SLIT2: variants seen among roughly 807,000 people sequenced by gnomAD.
The protein encoded by SLIT2 is slit homolog 2 protein.
In SLIT2, 41 loss-of-function variants were observed where a neutral mutation model predicts 185.7. The observed-to-expected ratio is 0.22, with a 90% CI of 0.17 to 0.29. SLIT2 has a LOEUF of 0.29. Ranked by LOEUF, SLIT2 falls within the 10% of genes least tolerant of loss-of-function variation. The pLI is 1.00. For synonymous variants in SLIT2, 693 were observed against 680.2 expected (o/e 1.02, Z -0.29); for missense variants, 1,571 against 1,909.0 (o/e 0.82, Z 3.30).
intron 26 of SLIT2, among the ~76,000 whole-genome samples, chr4:20,560,135 G>C (rs1163008829): frequency 1.3e-5 from 2 of 151,866 alleles, no homozygotes; most frequent in African/African-American, 4.8e-5. Context: ...AGTTATGCCA[G>C]TCTAATGTAT....
chr4:20,456,058 A>C (rs957649455), intron 4 of SLIT2, among the ~76,000 whole-genome samples: 1 of 152,156 alleles, frequency 6.6e-6, no homozygotes, highest in African/African-American at 2.4e-5. Flanking sequence ...ATACATCGAC[A>C]TGAAAAACCT....
chr4:20,323,154 A>G (rs1719252731), intron 4 of SLIT2, among the ~76,000 whole-genome samples: 1 of 151,958 alleles, frequency 6.6e-6, no homozygotes, highest in Non-Finnish European at 1.5e-5. Context: ...CTATCTAGGC[A>G]AAGATAGTAA....
intron 4 of SLIT2, among the ~76,000 whole-genome samples, chr4:20,320,922 G>T (rs1263277115): frequency 6.6e-6 from 1 of 152,136 alleles, no homozygotes; most frequent in East Asian, 1.9e-4. Flanking sequence ...CCAGCACTTT[G>T]GGAGGTTGAG....
chr4:20,562,870 G>A (rs1264437217), intron 26 of SLIT2, among the ~76,000 whole-genome samples: 1 of 151,698 alleles, frequency 6.6e-6, no homozygotes, highest in Non-Finnish European at 1.5e-5. Flanking sequence ...CAGTGCTAGA[G>A]GATTTTGTTA....
intron 26 of SLIT2, among the ~76,000 whole-genome samples, chr4:20,558,892 G>A (rs958585155): frequency 2.0e-5 from 3 of 151,926 alleles, no homozygotes; most frequent in African/African-American, 7.3e-5. Context: ...ATGCAATTGA[G>A]AAAAATAATT....
intron 34 of SLIT2, among the ~76,000 whole-genome samples, chr4:20,611,378 T>C (rs1169827768): frequency 6.6e-6 from 1 of 152,228 alleles, no homozygotes. Flanking sequence ...TCTGTAAATA[T>C]TTATTGAGTA....
intron 4 of SLIT2, among the ~76,000 whole-genome samples, chr4:20,341,474 T>C (rs1480460334): frequency 6.6e-6 from 1 of 152,204 alleles, no homozygotes; most frequent in African/African-American, 2.4e-5. Context: ...TGTTTTCAAA[T>C]AGAGTGAAAG....
intron 5 of SLIT2, among the ~76,000 whole-genome samples, chr4:20,475,661 A>T (rs917776534): frequency 1.4e-5 from 2 of 142,464 alleles, no homozygotes; most frequent in African/African-American, 2.5e-5. Flanking sequence ...TAATAAGATG[A>T]CGTATCTACA....
At chr4:20,571,579 C>T (rs905163537) in intron 29 of SLIT2, among the ~76,000 whole-genome samples, 2 of 152,104 alleles carry the variant, frequency 1.3e-5, no homozygotes, top group South Asian at 4.1e-4. Flanking sequence ...AGTTTTATAT[C>T]CTACTTCATC....
chr4:20,533,877 CAT>C lies in SLIT2; in HGVS notation c.1832+163_1832+164del, dbSNP rs1491504229. ...ACATACACACCGCTACACACACACA[CAT>C]GTATTGTGAATTCAGATGGTCCCTT... On this transcript the variant is annotated intron_variant, in intron 18 of 36. Transcript: ENST00000504154. Among the ~76,000 whole-genome samples, 119 of 152,082 alleles carry C rather than the reference CAT, an allele frequency of 7.8e-4. 1 individual carries two copies. Among genetic ancestry groups the C allele is most frequent in the East Asian group, 3.7e-3 (19 of 5,162 alleles).
intron 19 of SLIT2, 122 bp downstream of exon 19, chr4:20,539,706 A>G (rs1722628712): frequency 1.7e-6 from 1 of 576,352 alleles, no homozygotes; most frequent in South Asian, 5.4e-5. Context: ...TTAAAAAAGG[A>G]CAAACTTGTT....
At chr4:20,267,369 CT>C (rs1171693615) in intron 3 of SLIT2, among the ~76,000 whole-genome samples, 3 of 151,578 alleles carry the variant, frequency 2.0e-5, no homozygotes, top group South Asian at 2.1e-4. Flanking sequence ...TCTTGGCATA[CT>C]TTTTTTTATT....
In SLIT2 at chr4:20,619,734, A is replaced by G. The variant is rs1385632810; in HGVS notation, c.*725A>G. The G allele has an allele frequency of 2.0e-5, 3 of 152,110 alleles. No homozygotes were observed. Among genetic ancestry groups the G allele is most frequent in the East Asian group, 1.9e-4 (1 of 5,198 alleles). The allele number at this position is 152,110 out of a possible 1,614,324, so 9.4% of individuals were successfully genotyped here. On this transcript the variant is annotated 3_prime_UTR_variant, in exon 37 of 37. Transcript: ENST00000504154. ...AGTAATAATATGATTTTTTGTTTCT[A>G]TGAGTTCTAAACAGCCCTATACAGT...
Position 20,541,534 on chromosome 4 carries a change from G to A in SLIT2, c.2058G>A (p.Thr686=), listed in dbSNP as rs753942846. The A allele has an allele frequency of 1.4e-5, 23 of 1,613,748 alleles. No individual in the cohort carries two copies. The highest frequency in any genetic ancestry group is 3.3e-4 in the Middle Eastern group (2 of 6,082). The change falls in exon 20 of 37, where the codon ACG becomes ACA. Residue 686 remains threonine (T), a synonymous_variant. Transcript: ENST00000504154. ...GEWLRKKRIV[T]GNPRCQKPYF... is the part of the protein sequence containing the mutation. ...GGCTGAGAAAGAAGAGAATTGTCACGGGAAATCCTAGATGTCAAAAACCAT... is the reference window on the plus strand; with the variant it reads ...GGCTGAGAAAGAAGAGAATTGTCACAGGAAATCCTAGATGTCAAAAACCAT...
chr4:20,447,516 C>CT (rs931095563), intron 4 of SLIT2, among the ~76,000 whole-genome samples: 1 of 152,102 alleles, frequency 6.6e-6, no homozygotes, highest in Non-Finnish European at 1.5e-5. Context: ...ATTTTAACGT[C>CT]TTTTTTTGAT....
intron 34 of SLIT2, among the ~76,000 whole-genome samples, chr4:20,613,605 G>A (rs567390161): frequency 2.0e-5 from 3 of 152,184 alleles, no homozygotes; most frequent in East Asian, 1.9e-4. Context: ...CAAACCCCTC[G>A]TGACATGAGT....
intron 29 of SLIT2, among the ~76,000 whole-genome samples, chr4:20,577,461 G>C (rs1052646888): frequency 6.6e-6 from 1 of 152,026 alleles, no homozygotes; most frequent in Admixed American, 6.6e-5. Flanking sequence ...GATTATGTAC[G>C]TGTCCCATTT....
chr4:20,393,153 G>T (rs1295018335), intron 4 of SLIT2, among the ~76,000 whole-genome samples: 1 of 151,972 alleles, frequency 6.6e-6, no homozygotes, highest in Non-Finnish European at 1.5e-5. Flanking sequence ...AATCTTATAG[G>T]ACCATCATTG....
intron 4 of SLIT2, among the ~76,000 whole-genome samples, chr4:20,279,342 G>C (rs573119347): frequency 6.6e-6 from 1 of 152,120 alleles, no homozygotes; most frequent in Non-Finnish European, 1.5e-5. Context: ...CAGATCTACC[G>C]TATCTCAAGC....
Sources: allele counts gnomAD v4.1 joint callset (sites outside exome capture counted in the v4.1 genomes callset), GRCh38; gene constraint gnomAD v4.1.1; transcripts MANE v1.5; gene names NCBI Gene and HGNC (gene_info 2026-07-23, HGNC 2026-07-21).